The following TXLNA variants were observed in gnomAD, a reference collection of about 807,000 sequenced individuals.
The protein encoded by TXLNA is alpha-taxilin.
TXLNA carries 9 observed loss-of-function variants against 61.4 expected under a neutral mutation model. That is an observed-to-expected ratio of 0.15 (90% CI 0.09 to 0.26). TXLNA has a LOEUF of 0.26. Among genes scored for constraint, TXLNA ranks in the 10% least tolerant of loss-of-function variants. The pLI is 1.00. For missense variants in TXLNA, 565 were observed against 688.8 expected, an observed-to-expected ratio of 0.82 and a Z score of 2.01; for synonymous variants, 257 against 267.7, an observed-to-expected ratio of 0.96 and a Z score of 0.39.
At chr1:32,182,838 C>G (rs1642696548) in intron 3 of TXLNA, among the ~76,000 whole-genome samples, 1 of 150,998 alleles carries the variant, frequency 6.6e-6, no homozygotes, top group Admixed American at 6.6e-5. Context: ...GAGGCCAAGG[C>G]AGGCAGATTA....
intron 9 of TXLNA, 96 bp from the exon 10 acceptor site, chr1:32,193,969 C>T (rs1481343412): frequency 2.1e-6 from 2 of 968,338 alleles, no homozygotes; most frequent in East Asian, 2.7e-5. Context: ...TCAATCATTC[C>T]CCACCTTGGA....
Position 32,192,246 on chromosome 1 carries a change from C to G in TXLNA, c.964-65C>G. The G allele has an allele frequency of 6.3e-7, 1 of 1,593,624 alleles. No homozygotes were observed. Among genetic ancestry groups the G allele is most frequent in the South Asian group, 1.1e-5 (1 of 88,916 alleles). On this transcript the variant is annotated intron_variant, in intron 6 of 10. Transcript: ENST00000373610. This position sits in a 1 kb window ranked among gnomAD's most constrained non-coding sequence, Gnocchi z 4.2. Reference sequence around the variant, plus strand: ...CTGGGCAAAGTGCCCTGGTCTGTGGCTGTGGGGCTACCCTGAGAAAGGGAG... The same window carrying G: ...CTGGGCAAAGTGCCCTGGTCTGTGGGTGTGGGGCTACCCTGAGAAAGGGAG...
chr1:32,191,031 T>C (rs1642894199), intron 6 of TXLNA, among the ~76,000 whole-genome samples: 1 of 150,556 alleles, frequency 6.6e-6, no homozygotes, highest in South Asian at 2.1e-4. Context: ...GAGGCAGAGG[T>C]TGCAATGAGC....
intron 4 of TXLNA, among the ~76,000 whole-genome samples, chr1:32,185,435 C>T (rs1642766279): frequency 6.6e-6 from 1 of 152,128 alleles, no homozygotes. Context: ...CTCTGTCGCC[C>T]AGGCTGGGGT....
At chr1:32,181,621 G>T (rs1642664808) in intron 3 of TXLNA, 44 bp downstream of exon 3, 2 of 1,460,838 alleles carry the variant, frequency 1.4e-6, no homozygotes, top group East Asian at 2.5e-5. Context: ...AGGAGAGGGA[G>T]TTTGGACTTG....
intron 4 of TXLNA, 128 bp from the exon 5 acceptor site, chr1:32,187,826 A>G (rs1314657230): frequency 2.0e-6 from 2 of 1,010,132 alleles, no homozygotes; most frequent in East Asian, 2.6e-5. Flanking sequence ...GCATCAGCCC[A>G]TGAGAGTGCT....
At position 32,195,303 on chromosome 1, in the gene TXLNA, A is replaced by G; in HGVS notation, c.*108A>G. 7.5e-7 allele frequency: 1 copy of G among 1,325,614 alleles called. No individual in the cohort carries two copies. The highest frequency in any genetic ancestry group is 1.0e-6 in the Non-Finnish European group (1 of 982,592). 82.1% of individuals were successfully genotyped at this position (1,325,614 alleles called of 1,614,324 possible). ...CCATTGCTGAAGCCAGGATGTTCTG[A>G]CCTGGCTGGCATCTGGCACTTGCAA... On this transcript the variant is annotated 3_prime_UTR_variant, in exon 11 of 11. Coordinates refer to ENST00000373610, the MANE Select transcript of TXLNA (RefSeq NM_175852.4).
chr1:32,180,411 A>G lies in TXLNA; in HGVS notation c.66A>G (p.Gln22=). Residue 22 remains glutamine (Q), a synonymous_variant, in exon 2 of 11, where the codon CAA becomes CAG. Transcript: ENST00000373610. ...KQSNPKSSPG[Q]PEAGPEGAQE... ...CCAATCCAAAAAGCAGCCCAGGACAACCGGAAGCAGGACCCGAGGGAGCCC... is the reference window on the plus strand; with the variant it reads ...CCAATCCAAAAAGCAGCCCAGGACAGCCGGAAGCAGGACCCGAGGGAGCCC... The G allele has an allele frequency of 6.2e-7, 1 of 1,614,070 alleles. No homozygotes were observed. Among genetic ancestry groups the G allele is most frequent in the South Asian group, 1.1e-5 (1 of 91,086 alleles).
intron 3 of TXLNA, among the ~76,000 whole-genome samples, chr1:32,183,226 C>T (rs940035362): frequency 1.3e-5 from 2 of 151,528 alleles, no homozygotes; most frequent in East Asian, 3.9e-4. Context: ...CGGGTTCACA[C>T]CATTCTCCTG....
rs1422351338 is a variant in TXLNA at position 32,181,353 on chromosome 1, G to T, written c.281G>T (p.Gly94Val). 23 of 1,614,070 alleles carry T rather than the reference G, an allele frequency of 1.4e-5. No homozygotes were observed. Among genetic ancestry groups the T allele is most frequent in the Non-Finnish European group, 1.9e-5 (22 of 1,180,046 alleles). The change falls in exon 3 of 11, where the codon GGC becomes GTC. Residue 94 changes from glycine to valine, a missense_variant. Transcript: ENST00000373610. ...STYCVDNNQG[G>V]PGEDGAQGEP... is the part of the protein sequence containing the mutation. ...TACTGTGTGGACAATAACCAGGGGGGCCCCGGCGAGGATGGGGCACAGGGT... is the reference window on the plus strand; with the variant it reads ...TACTGTGTGGACAATAACCAGGGGGTCCCCGGCGAGGATGGGGCACAGGGT...
intron 8 of TXLNA, 62 bp from the exon 9 acceptor site, chr1:32,193,146 T>A: frequency 9.4e-7 from 1 of 1,059,146 alleles, no homozygotes; most frequent in Non-Finnish European, 1.5e-6. Context: ...GGTCTGAGTG[T>A]GTTGACCAGA....
At chr1:32,188,900 G>A (rs955581811) in intron 5 of TXLNA, among the ~76,000 whole-genome samples, 2 of 152,192 alleles carry the variant, frequency 1.3e-5, no homozygotes, top group African/African-American at 4.8e-5. Flanking sequence ...CCCATGTTCT[G>A]CTGCTTCTAT....
Position 32,188,031 on chromosome 1 carries a change from C to A in TXLNA, c.675C>A (p.Asp225Glu), listed in dbSNP as rs766049073. The A allele has an allele frequency of 4.3e-6, 7 of 1,611,742 alleles. No homozygotes were observed. In the African/African-American group the frequency reaches 6.7e-5, roughly 15 times the overall value. Residue 225 changes from aspartate to glutamate, a missense_variant, in exon 5 of 11, where the codon GAC (aspartate) becomes GAA (glutamate). Transcript: ENST00000373610. ...AGAGCCAGCTGGTGCAAGAGAAGGACCACCTGCGCGGTGAGCACAGCAAGG... is the reference window on the plus strand; with the variant it reads ...AGAGCCAGCTGGTGCAAGAGAAGGAACACCTGCGCGGTGAGCACAGCAAGG... ...KKQSQLVQEK[D>E]HLRGEHSKAV...
rs1307262091 is a variant in TXLNA at position 32,195,911 on chromosome 1, CA to C, written c.*719del. On this transcript the variant is annotated 3_prime_UTR_variant, in exon 11 of 11. Coordinates refer to ENST00000373610, the MANE Select transcript of TXLNA (RefSeq NM_175852.4). ...TTCACAGGTGCCTCTCTAGCCTGCACAAATGATTGACAAGAGATCACCCAAA... is the reference window on the plus strand; with the variant it reads ...TTCACAGGTGCCTCTCTAGCCTGCACAATGATTGACAAGAGATCACCCAAA... 2 of 289,904 alleles carry C rather than the reference CA, an allele frequency of 6.9e-6. No homozygotes were observed. The highest frequency in any genetic ancestry group is 4.5e-5 in the African/African-American group (2 of 44,334). The allele number at this position is 289,904 out of a possible 1,614,324, so 18.0% of individuals were successfully genotyped here.
chr1:32,183,131 C>A (rs1051475330), intron 3 of TXLNA, among the ~76,000 whole-genome samples: 1 of 151,966 alleles, frequency 6.6e-6, no homozygotes, highest in East Asian at 1.9e-4. Flanking sequence ...CTTCACCCCC[C>A]ACCCCCAACT....
chr1:32,190,181 C>G lies in TXLNA; in HGVS notation c.895C>G (p.Arg299Gly), dbSNP rs1237106058. 1 of 1,603,484 alleles carries G rather than the reference C, an allele frequency of 6.2e-7. No homozygotes were observed. The highest frequency in any genetic ancestry group is 8.5e-7 in the Non-Finnish European group (1 of 1,174,920). The change falls in exon 6 of 11, where the codon CGC (arginine) becomes GGC (glycine). Residue 299 changes from arginine (R) to glycine (G), a missense_variant. By Grantham distance (125) the Arg-to-Gly change is moderately radical. Around this residue, in one of 2 missense-constraint regions of TXLNA, gnomAD observed 373 missense variants for 504.0 expected, o/e 0.74. Coordinates refer to ENST00000373610, the MANE Select transcript of TXLNA (RefSeq NM_175852.4). ...EQHNERNSKLRQENMELAERL... is the reference protein window; with the variant it reads ...EQHNERNSKLGQENMELAERL... The stretch of plus-strand genomic sequence containing the variant: ...GCACAATGAGCGCAACTCCAAGCTG[C>G]GCCAAGAGAACATGGAGCTGGCTGA...
Position 32,190,196 on chromosome 1 carries a change from G to T in TXLNA, c.910G>T (p.Glu304Ter). 6.2e-7 allele frequency: 1 copy of T among 1,605,408 alleles called. No individual in the cohort carries two copies. The highest frequency in any genetic ancestry group is 1.1e-5 in the South Asian group (1 of 89,246). ...RNSKLRQENM[E>*]LAERLKKLIE... ...CTCCAAGCTGCGCCAAGAGAACATG[G>T]AGCTGGCTGAGAGGCTCAAGAAGCT... The change falls in exon 6 of 11, where the codon GAG becomes TAG. Residue 304 changes from glutamate to a stop codon, truncating the protein, a stop_gained. Transcript: ENST00000373610. LOFTEE classifies it high-confidence loss of function.
chr1:32,192,304 G>A lies in TXLNA; in HGVS notation c.964-7G>A, dbSNP rs1054436502. 3 of 1,613,510 alleles carry A rather than the reference G, an allele frequency of 1.9e-6. No individual in the cohort carries two copies. Among genetic ancestry groups the A allele is most frequent in the South Asian group, 1.1e-5 (1 of 91,028 alleles). On this transcript the variant is annotated splice_polypyrimidine_tract_variant and splice_region_variant and intron_variant, in intron 6 of 10. Coordinates refer to ENST00000373610, the MANE Select transcript of TXLNA (RefSeq NM_175852.4). The surrounding 1 kb of genome is among the most constrained non-coding windows in gnomAD (Gnocchi z 4.2). The stretch of plus-strand genomic sequence containing the variant: ...CAAGCCGACTGCTCCCACCATCTTT[G>A]TTGCAGCATATCGACAAAGTCTTCA...
Position 32,180,329 on chromosome 1 carries a change from C to G in TXLNA, c.-17C>G. Reference sequence around the variant, plus strand: ...GTTTCTAAAGGATCTTCTCCTGACCCAGCATCGCTCATCACAATGAAGAAC... The same window carrying G: ...GTTTCTAAAGGATCTTCTCCTGACCGAGCATCGCTCATCACAATGAAGAAC... On this transcript the variant is annotated 5_prime_UTR_variant, in exon 2 of 11. Coordinates refer to ENST00000373610, the MANE Select transcript of TXLNA (RefSeq NM_175852.4). The G allele has an allele frequency of 6.2e-7, 1 of 1,600,704 alleles. No individual in the cohort carries two copies.
Sources: allele counts gnomAD v4.1 joint callset (sites outside exome capture counted in the v4.1 genomes callset), GRCh38; gene constraint gnomAD v4.1.1; regional missense constraint gnomAD v4.1.1; non-coding constraint Gnocchi (gnomAD v3.1); transcripts MANE v1.5; gene names NCBI Gene and HGNC (gene_info 2026-07-23, HGNC 2026-07-21).